Variants in EPHA3 observed in about 807,000 individuals in gnomAD.
EPHA3 encodes ephrin type-A receptor 3.
A neutral mutation model predicts 107.1 loss-of-function variants in EPHA3; 42 were observed. The ratio of observed to expected loss-of-function variants is 0.39; its 90% CI spans 0.31 to 0.51. EPHA3 has a LOEUF of 0.51. Among genes scored for constraint, EPHA3 ranks in the 20% least tolerant of loss-of-function variants. The probability of loss-of-function intolerance (pLI) is 0.78; values close to 1 mark genes in which losing one functional copy is unlikely to be tolerated. For missense variants in EPHA3, 1,183 were observed against 1,211.2 expected (o/e 0.98, Z 0.35); for synonymous variants, 461 against 424.8 (o/e 1.09, Z -1.05).
chr3:89,425,090 C>A (rs1296367179), intron 11 of EPHA3, among the ~76,000 whole-genome samples: 1 of 151,274 alleles, frequency 6.6e-6, no homozygotes, highest in African/African-American at 2.4e-5. Flanking sequence ...TGGGCTTGGT[C>A]TTTGCTCTCA....
intron 5 of EPHA3, among the ~76,000 whole-genome samples, chr3:89,380,294 C>T (rs555699402): frequency 1.3e-5 from 2 of 152,124 alleles, no homozygotes; most frequent in East Asian, 3.9e-4. Context: ...CTTTCTCACT[C>T]GCCTCAGAAG....
At chr3:89,202,684 A>G (rs1202678035) in intron 2 of EPHA3, among the ~76,000 whole-genome samples, 3 of 151,922 alleles carry the variant, frequency 2.0e-5, no homozygotes, top group Non-Finnish European at 4.4e-5. Flanking sequence ...CGTTTTCAAA[A>G]ATCACAAATC....
chr3:89,309,238 T>C (rs1430646017), intron 3 of EPHA3, among the ~76,000 whole-genome samples: 1 of 152,084 alleles, frequency 6.6e-6, no homozygotes, highest in Non-Finnish European at 1.5e-5. Flanking sequence ...AGAGAAAGAA[T>C]AGGATACTCT....
At chr3:89,178,464 G>C (rs1311595955) in intron 2 of EPHA3, among the ~76,000 whole-genome samples, 1 of 151,998 alleles carries the variant, frequency 6.6e-6, no homozygotes, top group Admixed American at 6.6e-5. Flanking sequence ...ATATGTCATA[G>C]CAAAGATGTA....
At chr3:89,435,183 G>T (rs574088460) in intron 13 of EPHA3, among the ~76,000 whole-genome samples, 1 of 151,898 alleles carries the variant, frequency 6.6e-6, no homozygotes, top group African/African-American at 2.4e-5. Flanking sequence ...TGCTGATATT[G>T]CACAAAATGT....
chr3:89,261,248 A>G (rs1272565574), intron 3 of EPHA3, among the ~76,000 whole-genome samples: 1 of 152,116 alleles, frequency 6.6e-6, no homozygotes, highest in Admixed American at 6.5e-5. Context: ...TTTCTTCTTG[A>G]TGCTCTTAGA....
chr3:89,289,136 G>A (rs964784842), intron 3 of EPHA3, among the ~76,000 whole-genome samples: 6 of 152,086 alleles, frequency 3.9e-5, no homozygotes, highest in African/African-American at 1.4e-4. Context: ...AGAGATAAGT[G>A]GGCATGCTCA....
chr3:89,185,917 A>T (rs1201311800), intron 2 of EPHA3, among the ~76,000 whole-genome samples: 1 of 152,014 alleles, frequency 6.6e-6, no homozygotes, highest in Admixed American at 6.6e-5. Flanking sequence ...CTCATTGTCT[A>T]TTACTCAAAT....
At chr3:89,188,305 T>C (rs1348740827) in intron 2 of EPHA3, among the ~76,000 whole-genome samples, 1 of 152,174 alleles carries the variant, frequency 6.6e-6, no homozygotes, top group Non-Finnish European at 1.5e-5. Context: ...ACGCTGTGGC[T>C]CAGTCGTCAA....
At chr3:89,225,396 A>T (rs879278419) in intron 3 of EPHA3, among the ~76,000 whole-genome samples, 1 of 152,202 alleles carries the variant, frequency 6.6e-6, no homozygotes, top group Non-Finnish European at 1.5e-5. Flanking sequence ...AACCTTGTGG[A>T]ACCTTTACAT....
chr3:89,235,916 A>AAGTT (rs1486816271), intron 3 of EPHA3, among the ~76,000 whole-genome samples: 1 of 151,954 alleles, frequency 6.6e-6, no homozygotes, highest in African/African-American at 2.4e-5. Flanking sequence ...AGTGGAGTAA[A>AAGTT]AGTTATAAAG....
chr3:89,144,378 C>A (rs1327697567), intron 2 of EPHA3, among the ~76,000 whole-genome samples: 2 of 151,328 alleles, frequency 1.3e-5, no homozygotes, highest in African/African-American at 4.8e-5. Context: ...TTGCTTTGAC[C>A]ATCTATGTAT....
In EPHA3 at chr3:89,149,996, C is replaced by T. The variant is rs538898725; in HGVS notation, c.153+22723C>T. On this transcript the variant is annotated intron_variant, in intron 2 of 16. Coordinates refer to ENST00000336596, the MANE Select transcript of EPHA3 (RefSeq NM_005233.6). ...CTGTGTACAAGTACCAGCTTGTTCT[C>T]AGGTACCACTAAAATCTACCCTTAA... Among the ~76,000 whole-genome samples, 26 of 152,088 alleles carry T rather than the reference C, an allele frequency of 1.7e-4. No individual in the cohort carries two copies. The East Asian group carries it at 5.1e-3, about 30-fold the overall frequency.
chr3:89,194,615 C>T (rs1385165219), intron 2 of EPHA3, among the ~76,000 whole-genome samples: 1 of 152,026 alleles, frequency 6.6e-6, no homozygotes, highest in African/African-American at 2.4e-5. Context: ...GCTTTGACTT[C>T]TTCTCTGCTA....
intron 10 of EPHA3, among the ~76,000 whole-genome samples, chr3:89,416,914 G>A (rs1182858607): frequency 2.6e-5 from 4 of 151,386 alleles, no homozygotes; most frequent in Non-Finnish European, 5.9e-5. Flanking sequence ...AGTAAGACAT[G>A]AGCCTTGTTA....
At chr3:89,177,963 A>C (rs1408466887) in intron 2 of EPHA3, among the ~76,000 whole-genome samples, 2 of 152,226 alleles carry the variant, frequency 1.3e-5, no homozygotes, top group African/African-American at 4.8e-5. Flanking sequence ...CAAAAATATA[A>C]TGTCTAATGA....
chr3:89,384,886 T>C (rs116619356), intron 5 of EPHA3, among the ~76,000 whole-genome samples: 2,438 of 152,294 alleles, frequency 0.016, 68 homozygotes, highest in African/African-American at 0.055. Flanking sequence ...GATCACTAGA[T>C]GCTTAAACTG....
rs896512954 is a variant in EPHA3 at position 89,340,940 on chromosome 3, C to T, written c.839C>T (p.Ala280Val). 1 of 1,612,814 alleles carries T rather than the reference C, an allele frequency of 6.2e-7. No individual in the cohort carries two copies. The highest frequency in any genetic ancestry group is 1.7e-5 in the Admixed American group (1 of 59,750). ...CQACRPGFYK[A>V]LDGNMKCAKC... ...GCTTGTCGACCAGGTTTCTACAAGG[C>T]ATTGGATGGTAATATGAAGTGTGCT... The change falls in exon 4 of 17, where the codon GCA becomes GTA. Residue 280 changes from alanine (A) to valine (V), a missense_variant. Transcript: ENST00000336596.
intron 2 of EPHA3, among the ~76,000 whole-genome samples, chr3:89,195,166 G>A (rs1175986127): frequency 2.0e-5 from 3 of 151,148 alleles, no homozygotes; most frequent in African/African-American, 7.3e-5. Flanking sequence ...TTCTTTTTCT[G>A]TGTTTCATGT....
Sources: gnomAD v4.1 joint callset for allele counts (sites outside exome capture counted in the v4.1 genomes callset) on GRCh38, gnomAD v4.1.1 for gene constraint, MANE v1.5 for transcripts, NCBI Gene and HGNC (gene_info 2026-07-23, HGNC 2026-07-21) for gene names.